Variants in AGBL4 observed in about 807,000 individuals in gnomAD.
The protein encoded by AGBL4 is AGBL carboxypeptidase 4, also known as cytosolic carboxypeptidase 6.
In AGBL4, 58 loss-of-function variants were observed where a neutral mutation model predicts 66.4. The ratio of observed to expected loss-of-function variants is 0.87; its 90% CI spans 0.71 to 1.09. AGBL4 has a LOEUF of 1.09. Among genes scored for constraint, AGBL4 ranks in the 50% least tolerant of loss-of-function variants. The pLI is 0.00. For missense variants in AGBL4, 579 were observed against 631.0 expected (o/e 0.92, Z 0.88); for synonymous variants, 234 against 222.9 (o/e 1.05, Z -0.44).
intron 2 of AGBL4, among the ~76,000 whole-genome samples, chr1:49,756,683 T>A (rs1324629202): frequency 6.6e-6 from 1 of 152,220 alleles, no homozygotes; most frequent in Non-Finnish European, 1.5e-5. Flanking sequence ...GTTCTCACGA[T>A]AGTGAGTAAG....
At chr1:48,563,560 C>G (rs1427375389) in intron 11 of AGBL4, among the ~76,000 whole-genome samples, 1 of 151,832 alleles carries the variant, frequency 6.6e-6, no homozygotes, top group Non-Finnish European at 1.5e-5. Flanking sequence ...GGAGGAGATA[C>G]AGAGAGTAAC....
chr1:48,623,141 T>C (rs571684829), intron 9 of AGBL4, among the ~76,000 whole-genome samples: 11 of 152,342 alleles, frequency 7.2e-5, no homozygotes, highest in African/African-American at 2.6e-4. Context: ...GGGACTGTTA[T>C]TTGCCATTGT....
chr1:49,928,311 C>T (rs1485199478), intron 1 of AGBL4, among the ~76,000 whole-genome samples: 1 of 152,010 alleles, frequency 6.6e-6, no homozygotes, highest in Non-Finnish European at 1.5e-5. Context: ...AGTGCAGTGG[C>T]AGGATCTCAG....
rs1416753747 is a variant in AGBL4 at position 49,721,458 on chromosome 1, C to T, written c.158-24021G>A. Among the ~76,000 whole-genome samples, 3 of 152,148 alleles carry T rather than the reference C, an allele frequency of 2.0e-5. No homozygotes were observed. In the East Asian group the frequency reaches 5.8e-4, roughly 29 times the overall value. The stretch of plus-strand genomic sequence containing the variant: ...GGAACCAACTCCAGACACAATAAGA[C>T]AGGATGGCCAGGCCAGGGAATTGCT... On this transcript the variant is annotated intron_variant, in intron 2 of 13. Transcript: ENST00000371839.
chr1:48,780,701 G>A (rs947698647), intron 6 of AGBL4, among the ~76,000 whole-genome samples: 1 of 152,188 alleles, frequency 6.6e-6, no homozygotes, highest in African/African-American at 2.4e-5. Context: ...TTAATAAATA[G>A]TGTTAGGAAA....
intron 3 of AGBL4, among the ~76,000 whole-genome samples, chr1:49,508,755 T>G (rs1266612996): frequency 1.3e-5 from 2 of 151,914 alleles, no homozygotes; most frequent in East Asian, 3.9e-4. Flanking sequence ...CCATCTCACA[T>G]GATTATTGTG....
At chr1:48,661,073 A>G (rs548458215) in intron 7 of AGBL4, among the ~76,000 whole-genome samples, 1 of 152,150 alleles carries the variant, frequency 6.6e-6, no homozygotes, top group Admixed American at 6.5e-5. Context: ...GGAAAATGAC[A>G]GTTGGAGACC....
chr1:49,906,451 C>T (rs1418266985), intron 1 of AGBL4, among the ~76,000 whole-genome samples: 1 of 151,914 alleles, frequency 6.6e-6, no homozygotes, highest in Non-Finnish European at 1.5e-5. Context: ...TAAGTTTTTC[C>T]AGTTACACAA....
chr1:49,154,233 C>G (rs1315400537), intron 4 of AGBL4, among the ~76,000 whole-genome samples: 1 of 152,000 alleles, frequency 6.6e-6, no homozygotes, highest in African/African-American at 2.4e-5. Flanking sequence ...GCCAGTGATT[C>G]AAAACATTTA....
At chr1:49,580,445 C>A (rs557791451) in intron 3 of AGBL4, among the ~76,000 whole-genome samples, 3 of 152,166 alleles carry the variant, frequency 2.0e-5, no homozygotes, top group Non-Finnish European at 1.5e-5. Flanking sequence ...TGTAATGGTG[C>A]AATTTGATTC....
Position 49,212,252 on chromosome 1 carries a change from G to A in AGBL4, c.377+33518C>T, listed in dbSNP as rs528367989. Among the ~76,000 whole-genome samples, 61 of 152,178 alleles carry A rather than the reference G, an allele frequency of 4.0e-4. 1 individual carries two copies. The highest frequency in any genetic ancestry group is 1.4e-3 in the African/African-American group (58 of 41,538). ...TAAATATCCATCTTGAATAAATAATGTGTAAAAGAGGATGACAATTAGTAC... is the reference window on the plus strand; with the variant it reads ...TAAATATCCATCTTGAATAAATAATATGTAAAAGAGGATGACAATTAGTAC... On this transcript the variant is annotated intron_variant, in intron 4 of 13. Transcript: ENST00000371839.
chr1:49,634,929 C>T (rs921632192), intron 3 of AGBL4, among the ~76,000 whole-genome samples: 12 of 152,094 alleles, frequency 7.9e-5, no homozygotes, highest in African/African-American at 1.4e-4. Context: ...GAGATGCAAA[C>T]GTAGAGAGAA....
At chr1:49,005,839 A>G (rs1661746105) in intron 5 of AGBL4, among the ~76,000 whole-genome samples, 2 of 152,092 alleles carry the variant, frequency 1.3e-5, no homozygotes, top group South Asian at 4.1e-4. Context: ...CGTCTCTACT[A>G]AAAATACAAA....
chr1:48,987,438 A>G (rs543463229), intron 5 of AGBL4, among the ~76,000 whole-genome samples: 7 of 152,184 alleles, frequency 4.6e-5, no homozygotes, highest in Non-Finnish European at 1.0e-4. Flanking sequence ...ATTTCATAAT[A>G]ATAAAGGGGT....
intron 4 of AGBL4, among the ~76,000 whole-genome samples, chr1:49,112,521 G>A (rs984868221): frequency 2.0e-5 from 3 of 152,180 alleles, no homozygotes; most frequent in African/African-American, 7.2e-5. Context: ...TGTAGCATGC[G>A]ATACTGTTTG....
At chr1:49,877,886 G>C (rs1457638127) in intron 1 of AGBL4, among the ~76,000 whole-genome samples, 1 of 152,128 alleles carries the variant, frequency 6.6e-6, no homozygotes, top group African/African-American at 2.4e-5. Flanking sequence ...GTTTAGTCTT[G>C]GGAGAGTGTA....
At chr1:49,516,170 G>C (rs961289538) in intron 3 of AGBL4, among the ~76,000 whole-genome samples, 2 of 151,868 alleles carry the variant, frequency 1.3e-5, no homozygotes, top group Non-Finnish European at 2.9e-5. Context: ...CTGGGATACA[G>C]AAATGGATAT....
At chr1:49,961,495 A>T (rs960965515) in intron 1 of AGBL4, among the ~76,000 whole-genome samples, 26 of 152,172 alleles carry the variant, frequency 1.7e-4, no homozygotes, top group Non-Finnish European at 2.9e-5. Context: ...ACAGAGCAAG[A>T]CACTGTGTCT....
intron 6 of AGBL4, among the ~76,000 whole-genome samples, chr1:48,710,982 C>T (rs1646958515): frequency 6.6e-6 from 1 of 152,182 alleles, no homozygotes; most frequent in Non-Finnish European, 1.5e-5. Context: ...ACATGGATTT[C>T]TCCATCTCTC....
Sources: gnomAD v4.1 joint callset for allele counts (sites outside exome capture counted in the v4.1 genomes callset) on GRCh38, gnomAD v4.1.1 for gene constraint, MANE v1.5 for transcripts, NCBI Gene and HGNC (gene_info 2026-07-23, HGNC 2026-07-21) for gene names.